The following ROBO1 variants were observed in gnomAD, a reference collection of about 807,000 sequenced individuals.
The protein encoded by ROBO1 is roundabout guidance receptor 1.
Under a neutral mutation model 195.9 loss-of-function variants are expected in ROBO1, and 149 were observed. The observed-to-expected ratio is 0.76, with a 90% CI of 0.67 to 0.87. The LOEUF (loss-of-function observed/expected upper bound fraction) is 0.87, where lower values mean the gene tolerates loss of function less well. ROBO1 is among the 40% of genes least tolerant of loss of function. ROBO1 has a pLI of 0.00. For missense variants in ROBO1, 1,933 were observed against 2,068.3 expected (o/e 0.93, Z 1.27); for synonymous variants, 816 against 733.2 (o/e 1.11, Z -1.82).
chr3:79,321,391 A>G (rs1430498341), intron 2 of ROBO1, among the ~76,000 whole-genome samples: 2 of 152,244 alleles, frequency 1.3e-5, no homozygotes, highest in Non-Finnish European at 2.9e-5. Flanking sequence ...TATTTTATAC[A>G]TGCTATCTTT....
intron 4 of ROBO1, among the ~76,000 whole-genome samples, chr3:78,753,979 G>C (rs1042450021): frequency 3.3e-5 from 5 of 152,082 alleles, no homozygotes; most frequent in African/African-American, 7.2e-5. Flanking sequence ...AATATTTGTA[G>C]ATGTGTTTAT....
intron 2 of ROBO1, among the ~76,000 whole-genome samples, chr3:79,302,164 G>C (rs2032992135): frequency 6.6e-6 from 1 of 152,182 alleles, no homozygotes; most frequent in Admixed American, 6.5e-5. Context: ...CCACATGTCT[G>C]GGTAATCTAA....
chr3:79,619,706 T>C (rs959591426), intron 1 of ROBO1, among the ~76,000 whole-genome samples: 2 of 152,126 alleles, frequency 1.3e-5, no homozygotes, highest in African/African-American at 4.8e-5. Context: ...AGGCTCTTTT[T>C]CATCAAATAT....
intron 19 of ROBO1, among the ~76,000 whole-genome samples, chr3:78,649,033 T>C (rs1039450967): frequency 2.6e-5 from 4 of 151,690 alleles, no homozygotes; most frequent in African/African-American, 9.7e-5. Context: ...GTCTTAAGAA[T>C]CCTATTGTGT....
chr3:79,609,803 T>C (rs1209924773), intron 1 of ROBO1, among the ~76,000 whole-genome samples: 2 of 151,618 alleles, frequency 1.3e-5, no homozygotes, highest in African/African-American at 4.8e-5. Context: ...TAGTCAAATT[T>C]GTAGAGATGG....
intron 2 of ROBO1, among the ~76,000 whole-genome samples, chr3:79,187,441 C>T (rs2081460425): frequency 1.3e-5 from 2 of 151,994 alleles, no homozygotes; most frequent in South Asian, 2.1e-4. Context: ...TAGTGAGAAT[C>T]GCCCTCTAAA....
intron 4 of ROBO1, among the ~76,000 whole-genome samples, chr3:78,912,287 T>C (rs976307175): frequency 6.6e-6 from 1 of 152,108 alleles, no homozygotes; most frequent in Non-Finnish European, 1.5e-5. Flanking sequence ...AACATCAATA[T>C]ATGTTTTAAA....
Position 79,251,677 on chromosome 3 carries a change from G to T in ROBO1, c.89-126138C>A, listed in dbSNP as rs144945742. Among the ~76,000 whole-genome samples the T allele has an allele frequency of 1.8e-3, 269 of 152,222 alleles. 2 individuals carry two copies. Among genetic ancestry groups the T allele is most frequent in the African/African-American group, 6.2e-3 (258 of 41,520 alleles). ...GAGGCAGGAGAATCCCTTGAACCTG[G>T]AAGGCAGAGTTGCAGTGATCCAAGA... On this transcript the variant is annotated intron_variant, in intron 2 of 30. Transcript: ENST00000464233.
intron 2 of ROBO1, among the ~76,000 whole-genome samples, chr3:79,424,776 G>A (rs1302861539): frequency 6.6e-6 from 1 of 152,038 alleles, no homozygotes; most frequent in Non-Finnish European, 1.5e-5. Context: ...CCATTCCATA[G>A]GTTGCCCAAT....
chr3:79,533,051 G>A (rs115237018), intron 2 of ROBO1: 9,564 of 430,114 alleles, frequency 0.022, 170 homozygotes, highest in South Asian at 0.027. Flanking sequence ...ATTAAAAAGG[G>A]TGGAGACGAA....
intron 2 of ROBO1, among the ~76,000 whole-genome samples, chr3:79,269,585 T>A (rs1214091835): frequency 6.6e-6 from 1 of 151,744 alleles, no homozygotes; most frequent in Non-Finnish European, 1.5e-5. Flanking sequence ...ATACATTTAT[T>A]AGGGCAGATT....
chr3:78,699,395 C>CAAAAAAAA (rs60574193), intron 8 of ROBO1, among the ~76,000 whole-genome samples: 762 of 82,824 alleles, frequency 9.2e-3, no homozygotes, highest in African/African-American at 0.012. Flanking sequence ...ACTAAAAATA[C>CAAAAAAAA]AAAAAAAAAA....
At chr3:78,637,850 G>GCATAGC (rs1705619712) in intron 22 of ROBO1, among the ~76,000 whole-genome samples, 1 of 152,072 alleles carries the variant, frequency 6.6e-6, no homozygotes, top group South Asian at 2.1e-4. Flanking sequence ...TCTTTATAGT[G>GCATAGC]CATAGCATCT....
At chr3:79,760,233 T>C (rs1704615389) in intron 1 of ROBO1, among the ~76,000 whole-genome samples, 1 of 15,602 alleles carries the variant, frequency 6.4e-5, no homozygotes, top group Non-Finnish European at 1.3e-4. Context: ...TGAGACCCTA[T>C]CTCAAAAAAA....
intron 3 of ROBO1, among the ~76,000 whole-genome samples, chr3:79,037,414 A>G (rs1559611607): frequency 2.0e-5 from 3 of 152,168 alleles, no homozygotes; most frequent in African/African-American, 7.2e-5. Flanking sequence ...AACACCATCA[A>G]TTAGTGGTAA....
intron 1 of ROBO1, among the ~76,000 whole-genome samples, chr3:79,650,847 C>A (rs1213048491): frequency 6.6e-6 from 1 of 151,772 alleles, no homozygotes; most frequent in Non-Finnish European, 1.5e-5. Context: ...AAAATAAAAA[C>A]AAAACCTTGA....
In ROBO1 at chr3:78,597,510, T is replaced by TGATA. The variant is rs1702893709; in HGVS notation, c.*1399_*1402dup. ...CTTTGTTTTCCACTGGGGTCAGACC[T>TGATA]GATACTTATCTATCTATGAATAAAT... On this transcript the variant is annotated 3_prime_UTR_variant, in exon 31 of 31. Coordinates refer to ENST00000464233, the MANE Select transcript of ROBO1 (RefSeq NM_002941.4). The TGATA allele has an allele frequency of 2.0e-5, 3 of 152,664 alleles. No individual in the cohort carries two copies. The South Asian group carries it at 6.2e-4, about 32-fold the overall frequency. 9.5% of individuals were successfully genotyped at this position (152,664 alleles called of 1,614,324 possible). A position where few individuals can be genotyped will look rare whatever the true frequency, so the allele number is the denominator to read the frequency against.
chr3:79,686,080 A>G (rs1451655882), intron 1 of ROBO1, among the ~76,000 whole-genome samples: 1 of 152,240 alleles, frequency 6.6e-6, no homozygotes, highest in Admixed American at 6.5e-5. Flanking sequence ...ATGCAAATCA[A>G]TAAACATAAT....
At chr3:78,697,336 T>A (rs1245892775) in intron 8 of ROBO1, among the ~76,000 whole-genome samples, 1 of 152,050 alleles carries the variant, frequency 6.6e-6, no homozygotes, top group Non-Finnish European at 1.5e-5. Context: ...AGGAGACATG[T>A]GTATGAGTCA....
Sources: allele counts gnomAD v4.1 joint callset (sites outside exome capture counted in the v4.1 genomes callset), GRCh38; gene constraint gnomAD v4.1.1; transcripts MANE v1.5; gene names NCBI Gene and HGNC (gene_info 2026-07-23, HGNC 2026-07-21).